The following CDH18 variants were observed in gnomAD, a reference collection of about 807,000 sequenced individuals.
The protein encoded by CDH18 is cadherin-18.
A neutral mutation model predicts 67.9 loss-of-function variants in CDH18; 31 were observed. The ratio of observed to expected loss-of-function variants is 0.46; its 90% CI spans 0.34 to 0.62. The LOEUF is 0.62. Ranked by LOEUF, CDH18 falls within the 20% of genes least tolerant of loss-of-function variation. The probability of loss-of-function intolerance (pLI) is 0.01; values close to 1 mark genes in which losing one functional copy is unlikely to be tolerated. For missense variants in CDH18, 890 were observed against 975.5 expected (o/e 0.91, Z 1.17); for synonymous variants, 362 against 347.2 (o/e 1.04, Z -0.48).
chr5:20,014,124 T>C (rs746164532), intron 2 of CDH18, among the ~76,000 whole-genome samples: 2 of 152,168 alleles, frequency 1.3e-5, no homozygotes, highest in Admixed American at 6.6e-5. Flanking sequence ...ATAGAGGTAC[T>C]GCTCTTTCAA....
chr5:20,507,002 C>T (rs1754702582), intron 1 of CDH18, among the ~76,000 whole-genome samples: 1 of 152,110 alleles, frequency 6.6e-6, no homozygotes, highest in South Asian at 2.1e-4. Context: ...TTTAGTCATG[C>T]TGCCAGGAAA....
At chr5:20,115,106 A>G (rs997633578) in intron 2 of CDH18, among the ~76,000 whole-genome samples, 7 of 151,976 alleles carry the variant, frequency 4.6e-5, no homozygotes, top group Non-Finnish European at 1.5e-5. Flanking sequence ...GTTCAAGATC[A>G]AGGTGCTAGC....
rs1198179019 is a variant in CDH18, at chr5:20,420,449, A to AT, written c.-580+155012dup. Among the ~76,000 whole-genome samples the AT allele has an allele frequency of 2.0e-5, 3 of 151,322 alleles. 1 individual carries two copies. The highest frequency in any genetic ancestry group is 1.9e-4 in the East Asian group (1 of 5,184). ...TTATATTCTTTTATATATTTAATAG[A>AT]TTTTAACGTTATAAAAAGAAGACGA... is the stretch of plus-strand genomic sequence containing the variant. On this transcript the variant is annotated intron_variant, in intron 1 of 14. Coordinates refer to the CDH18 transcript ENST00000507958.
At chr5:19,830,382 G>C (rs1377852467) in intron 3 of CDH18, among the ~76,000 whole-genome samples, 2 of 151,946 alleles carry the variant, frequency 1.3e-5, no homozygotes, top group Non-Finnish European at 2.9e-5. Context: ...GTGGGCAAAA[G>C]ACACAGACAT....
chr5:19,977,522 G>T (rs73061550), intron 2 of CDH18, among the ~76,000 whole-genome samples: 2,643 of 152,238 alleles, frequency 0.017, 81 homozygotes, highest in African/African-American at 0.061. Flanking sequence ...ACTCCATCAT[G>T]TCTAGGATTG....
intron 1 of CDH18, among the ~76,000 whole-genome samples, chr5:20,456,636 C>T (rs1561021073): frequency 6.6e-6 from 1 of 152,070 alleles, no homozygotes; most frequent in Non-Finnish European, 1.5e-5. Context: ...TAATGAATCA[C>T]ATAACTATCA....
At position 20,305,362 on chromosome 5, in the gene CDH18, C is replaced by A. The variant is rs895972538; in HGVS notation, c.-579-49857G>T. 2.5e-6 allele frequency: 4 copies of A among 1,569,814 alleles called. No individual in the cohort carries two copies. The East Asian group carries it at 6.7e-5, about 26-fold the overall frequency. On this transcript the variant is annotated intron_variant, in intron 1 of 14. Transcript: ENST00000507958. ...GGCTCTATTCTTCAAGACTTCCTCA[C>A]TGGCCACAGAGAATGTTCCCACCTC... is the stretch of plus-strand genomic sequence containing the variant.
intron 1 of CDH18, among the ~76,000 whole-genome samples, chr5:20,360,208 A>G (rs1197990586): frequency 1.4e-5 from 2 of 146,788 alleles, no homozygotes; most frequent in Non-Finnish European, 3.0e-5. Context: ...TAACACAGGC[A>G]TGAAATATAT....
intron 1 of CDH18, among the ~76,000 whole-genome samples, chr5:19,981,624 A>C (rs1254668646): frequency 1.3e-5 from 2 of 152,182 alleles, no homozygotes; most frequent in African/African-American, 4.8e-5. Flanking sequence ...ACTTCTCAAA[A>C]TTGTTGCATT....
rs191642217 is a variant in CDH18, at chr5:19,590,539, C to G, written c.999+518G>C. Among the ~76,000 whole-genome samples, 259 of 148,506 alleles carry G rather than the reference C, an allele frequency of 1.7e-3. 2 individuals are homozygous for G. Among genetic ancestry groups the G allele is most frequent in the Middle Eastern group, 3.5e-3 (1 of 288 alleles). ...ACAGACAGATAGATAGATAGATAGA[C>G]AACAGGCTCACATCAACATCTACAG... On this transcript the variant is annotated intron_variant, in intron 7 of 12. Transcript: ENST00000382275.
chr5:20,043,559 C>T (rs1415095438), intron 2 of CDH18, among the ~76,000 whole-genome samples: 2 of 152,150 alleles, frequency 1.3e-5, no homozygotes, highest in East Asian at 1.9e-4. Context: ...TTTCATGGTC[C>T]TCTGTTTACA....
chr5:20,033,073 C>T (rs766737136), intron 2 of CDH18, among the ~76,000 whole-genome samples: 26 of 151,886 alleles, frequency 1.7e-4, no homozygotes, highest in Non-Finnish European at 3.2e-4. Flanking sequence ...CCTTGGAAAA[C>T]AAACCTATGA....
intron 1 of CDH18, among the ~76,000 whole-genome samples, chr5:20,396,111 T>G (rs551571321): frequency 6.6e-6 from 1 of 152,340 alleles, no homozygotes; most frequent in Admixed American, 6.5e-5. Context: ...TATGGAAACT[T>G]TAATTCACTG....
intron 2 of CDH18, among the ~76,000 whole-genome samples, chr5:20,107,706 TCA>T (rs1450493580): frequency 6.6e-6 from 1 of 152,160 alleles, no homozygotes; most frequent in African/African-American, 2.4e-5. Context: ...CACTGCATTC[TCA>T]CACAGTCTTT....
chr5:20,213,768 A>T (rs890691014), intron 2 of CDH18, among the ~76,000 whole-genome samples: 2 of 151,704 alleles, frequency 1.3e-5, no homozygotes, highest in Non-Finnish European at 2.9e-5. Flanking sequence ...TTTTATTTGA[A>T]TTTTTTCTCT....
intron 7 of CDH18, among the ~76,000 whole-genome samples, chr5:19,586,216 T>C (rs947850703): frequency 1.3e-5 from 2 of 152,136 alleles, no homozygotes; most frequent in Admixed American, 1.3e-4. Context: ...CAACTTTTAT[T>C]TTAAGTTCAG....
chr5:19,794,301 C>T (rs1050138324), intron 3 of CDH18, among the ~76,000 whole-genome samples: 5 of 152,030 alleles, frequency 3.3e-5, no homozygotes, highest in Admixed American at 3.3e-4. Flanking sequence ...GCACTTAATT[C>T]AACATGGGTG....
intron 2 of CDH18, among the ~76,000 whole-genome samples, chr5:20,192,100 T>C (rs1738589235): frequency 6.6e-6 from 1 of 152,156 alleles, no homozygotes; most frequent in Admixed American, 6.6e-5. Flanking sequence ...TGCATTTCTC[T>C]GATGATCAGT....
chr5:19,850,255 T>C (rs1330976570), intron 2 of CDH18, among the ~76,000 whole-genome samples: 3 of 151,946 alleles, frequency 2.0e-5, no homozygotes, highest in Non-Finnish European at 4.4e-5. Context: ...TATTTATTTT[T>C]ATTACATGGC....
Sources: gnomAD v4.1 joint callset for allele counts (sites outside exome capture counted in the v4.1 genomes callset) on GRCh38, gnomAD v4.1.1 for gene constraint, MANE v1.5 for transcripts, NCBI Gene and HGNC (gene_info 2026-07-23, HGNC 2026-07-21) for gene names.